The following RNF122 variants were observed in gnomAD, a reference collection of about 807,000 sequenced individuals.
RNF122 encodes the protein ring finger protein 122.
A neutral mutation model predicts 24.2 loss-of-function variants in RNF122; 17 were observed. That is an observed-to-expected ratio of 0.70 (90% CI 0.48 to 1.06). The LOEUF is 1.06. Ranked by LOEUF, RNF122 falls within the 50% of genes least tolerant of loss-of-function variation. The pLI is 0.00. For missense variants in RNF122, 168 were observed against 198.1 expected, an observed-to-expected ratio of 0.85 and a Z score of 0.91; for synonymous variants, 65 against 71.8, an observed-to-expected ratio of 0.91 and a Z score of 0.48.
At position 33,562,515 on chromosome 8, in the gene RNF122, T is replaced by C. The variant is rs368791486; in HGVS notation, c.26-3744A>G. ...CACAATTGCACCACTGCACTTAGCA[T>C]GGGCCAGAGTAAGACCTTGTCTCAA... is the stretch of plus-strand genomic sequence containing the variant. On this transcript the variant is annotated intron_variant, in intron 1 of 5. Transcript: ENST00000256257. Among the ~76,000 whole-genome samples the C allele has an allele frequency of 3.6e-5, 5 of 138,536 alleles. 1 individual carries two copies. Among genetic ancestry groups the C allele is most frequent in the South Asian group, 4.5e-4 (2 of 4,466 alleles). The allele number at this position is 138,536 out of a possible 152,430, so 90.9% of individuals were successfully genotyped here. A position where few individuals can be genotyped will look rare whatever the true frequency, so the allele number is the denominator to read the frequency against.
intron 1 of RNF122, among the ~76,000 whole-genome samples, chr8:33,562,557 G>GA (rs1260195733): frequency 2.7e-4 from 38 of 142,278 alleles, no homozygotes; most frequent in Non-Finnish European, 4.2e-4. Context: ...AAAAGAAAAA[G>GA]AAAAAAAAAA....
chr8:33,556,876 C>T (rs1003043866), intron 2 of RNF122, among the ~76,000 whole-genome samples: 7 of 152,148 alleles, frequency 4.6e-5, no homozygotes, highest in African/African-American at 1.7e-4. Context: ...AAGGTAGCAC[C>T]TGGGAGTGGT....
At chr8:33,562,809 G>C (rs1215173426) in intron 1 of RNF122, among the ~76,000 whole-genome samples, 1 of 152,124 alleles carries the variant, frequency 6.6e-6, no homozygotes, top group African/African-American at 2.4e-5. Flanking sequence ...CGTAATCCCA[G>C]CTACTCGGGA....
intron 2 of RNF122, among the ~76,000 whole-genome samples, chr8:33,554,887 C>T (rs574891148): frequency 6.6e-6 from 1 of 152,348 alleles, no homozygotes; most frequent in East Asian, 1.9e-4. Flanking sequence ...AGGGGCTGGC[C>T]TTGGCCGCTG....
At chr8:33,555,170 C>T (rs569722380) in intron 2 of RNF122, among the ~76,000 whole-genome samples, 11 of 150,550 alleles carry the variant, frequency 7.3e-5, no homozygotes, top group African/African-American at 2.7e-4. Context: ...CATGTGGTTA[C>T]TGTTCTGTTT....
chr8:33,558,982 T>G (rs1810498647), intron 1 of RNF122, among the ~76,000 whole-genome samples: 1 of 152,048 alleles, frequency 6.6e-6, no homozygotes. Flanking sequence ...CCAAAATACT[T>G]AAAACAATAT....
intron 1 of RNF122, among the ~76,000 whole-genome samples, chr8:33,562,734 G>A (rs1410944351): frequency 6.6e-6 from 1 of 151,742 alleles, no homozygotes; most frequent in Non-Finnish European, 1.5e-5. Flanking sequence ...GACCAACCTG[G>A]CTAACATGGT....
chr8:33,549,339 C>G (rs1810336783), intron 5 of RNF122, 71 bp downstream of exon 5: 11 of 1,260,544 alleles, frequency 8.7e-6, no homozygotes, highest in Non-Finnish European at 1.3e-5. Context: ...GTGGCAGAGA[C>G]TGGAAGTTTC....
At chr8:33,556,776 G>T (rs1215600962) in intron 2 of RNF122, among the ~76,000 whole-genome samples, 2 of 152,200 alleles carry the variant, frequency 1.3e-5, no homozygotes, top group Non-Finnish European at 2.9e-5. Context: ...CAAGAGGGAA[G>T]ATAAACCAGT....
chr8:33,552,559 C>T (rs7845367), intron 2 of RNF122, among the ~76,000 whole-genome samples: 74,153 of 152,034 alleles, frequency 0.49, 18,600 homozygotes, highest in Non-Finnish European at 0.55. Flanking sequence ...GTGGTCTGTT[C>T]CCCTAATCAG....
intron 2 of RNF122, among the ~76,000 whole-genome samples, chr8:33,551,898 A>T (rs1810381829): frequency 6.6e-6 from 1 of 152,192 alleles, no homozygotes; most frequent in African/African-American, 2.4e-5. Flanking sequence ...AACACAGACG[A>T]TGCCTCCTTT....
At chr8:33,560,149 A>G (rs1186622245) in intron 1 of RNF122, among the ~76,000 whole-genome samples, 2 of 151,832 alleles carry the variant, frequency 1.3e-5, no homozygotes, top group Non-Finnish European at 2.9e-5. Context: ...GCCAGGACCT[A>G]CGTTTTAACA....
rs1209788762 is a variant in RNF122 at position 33,551,478 on chromosome 8, C to A, written c.183-89G>T. The A allele has an allele frequency of 5.1e-6, 7 of 1,375,644 alleles. No individual in the cohort carries two copies. The East Asian group carries it at 1.6e-4, about 32-fold the overall frequency. 85.2% of individuals were successfully genotyped at this position (1,375,644 alleles called of 1,614,324 possible). A position where few individuals can be genotyped will look rare whatever the true frequency, so the allele number is the denominator to read the frequency against. On this transcript the variant is annotated intron_variant, in intron 2 of 5. Coordinates refer to ENST00000256257, the MANE Select transcript of RNF122 (RefSeq NM_024787.3). The stretch of plus-strand genomic sequence containing the variant: ...CTGGCTGGCTGCTTGGGCATTCTTC[C>A]GAGGGCAGGGAGGGGTGCTTGTCCC...
intron 4 of RNF122, 79 bp downstream of exon 4, chr8:33,550,965 G>C (rs768285198): frequency 4.3e-6 from 6 of 1,404,498 alleles, no homozygotes; most frequent in Non-Finnish European, 2.0e-6. Flanking sequence ...TCTGAAAAGC[G>C]TCCAGGCAGA....
At chr8:33,556,725 C>A (rs1378785617) in intron 2 of RNF122, among the ~76,000 whole-genome samples, 1 of 152,168 alleles carries the variant, frequency 6.6e-6, no homozygotes, top group Non-Finnish European at 1.5e-5. Flanking sequence ...CTACCCTCAT[C>A]TCCGCTTAAT....
intron 1 of RNF122, among the ~76,000 whole-genome samples, chr8:33,564,160 G>A (rs867662512): frequency 8.5e-5 from 13 of 152,264 alleles, no homozygotes; most frequent in African/African-American, 2.9e-4. Flanking sequence ...CCAGCCCCAG[G>A]AAAGAGGGGC....
At chr8:33,549,591 C>G (rs1810340950) in intron 4 of RNF122, 99 bp from the exon 5 acceptor site, 2 of 854,760 alleles carry the variant, frequency 2.3e-6, no homozygotes, top group Non-Finnish European at 3.9e-6. Flanking sequence ...TCTGTTCTAC[C>G]AGGCAGAGAA....
chr8:33,566,654 T>C, intron 1 of RNF122, 45 bp downstream of exon 1: 1 of 1,576,952 alleles, frequency 6.3e-7, no homozygotes. Context: ...GCGCCGCGGC[T>C]CCCACCAGCC....
At chr8:33,559,392 C>T (rs1810506072) in intron 1 of RNF122, among the ~76,000 whole-genome samples, 1 of 151,966 alleles carries the variant, frequency 6.6e-6, no homozygotes, top group South Asian at 2.1e-4. Context: ...GCCCATATTG[C>T]CTTAGCTGAG....
Sources: allele counts gnomAD v4.1 joint callset (sites outside exome capture counted in the v4.1 genomes callset), GRCh38; gene constraint gnomAD v4.1.1; transcripts MANE v1.5; gene names NCBI Gene and HGNC (gene_info 2026-07-23, HGNC 2026-07-21).